The following GSS variants were observed in gnomAD, a reference collection of about 807,000 sequenced individuals.
GSS encodes GSH synthetase.
A neutral mutation model predicts 60.4 loss-of-function variants in GSS; 34 were observed. The ratio of observed to expected loss-of-function variants is 0.56; its 90% CI spans 0.43 to 0.75. GSS has a LOEUF of 0.75. Ranked by LOEUF, GSS falls within the 30% of genes least tolerant of loss-of-function variation. The probability of loss-of-function intolerance (pLI) is 0.00; values close to 1 mark genes in which losing one functional copy is unlikely to be tolerated. For missense variants in GSS, 499 were observed against 595.1 expected (o/e 0.84, Z 1.68); for synonymous variants, 224 against 239.0 (o/e 0.94, Z 0.58).
intron 11 of GSS, among the ~76,000 whole-genome samples, chr20:34,930,033 C>T (rs537730018): frequency 1.3e-5 from 2 of 152,086 alleles, no homozygotes; most frequent in South Asian, 2.1e-4. Flanking sequence ...TTTGGGAGGC[C>T]GAGGCAGGCA....
At chr20:34,945,846 C>T in intron 3 of GSS, 107 bp downstream of exon 3, 1 of 1,234,894 alleles carries the variant, frequency 8.1e-7, no homozygotes, top group Non-Finnish European at 1.2e-6. Context: ...GGTACCTTTC[C>T]TCTATCCCAC....
chr20:34,951,765 C>G lies in GSS; in HGVS notation c.88G>C (p.Gly30Arg). ...RQAVDRALAE[G>R]VLLRTSQEPT... ...TCCTGTGAGGTCCTCAGCAATACTCCCTCAGCCAGGGCCCGGTCCACGGCC... is the reference window on the plus strand; with the variant it reads ...TCCTGTGAGGTCCTCAGCAATACTCGCTCAGCCAGGGCCCGGTCCACGGCC... Residue 30 changes from glycine (G) to arginine (R), a missense_variant, in exon 2 of 13, where the codon GGA (glycine) becomes CGA (arginine). Gly to Arg is a moderately radical substitution (Grantham distance 125, BLOSUM62 -2). Transcript: ENST00000651619. 6.2e-7 allele frequency: 1 copy of G among 1,613,108 alleles called. No homozygotes were observed. The highest frequency in any genetic ancestry group is 1.7e-4 in the Middle Eastern group (1 of 6,060).
In GSS at chr20:34,932,151, CA is replaced by C; in HGVS notation, c.835-19del. The C allele has an allele frequency of 6.2e-7, 1 of 1,602,008 alleles. No individual in the cohort carries two copies. The highest frequency in any genetic ancestry group is 1.1e-5 in the South Asian group (1 of 90,838). On this transcript the variant is annotated intron_variant, in intron 9 of 12. Transcript: ENST00000651619. ...TCCCAATTCTGCAGAGGGAAGAAGACAAAAGGAATTCGACTTTATTTTACTT... is the reference window on the plus strand; with the variant it reads ...TCCCAATTCTGCAGAGGGAAGAAGACAAAGGAATTCGACTTTATTTTACTT...
Position 34,942,562 on chromosome 20 carries a change from G to A in GSS, c.417C>T (p.Ala139=). 6.2e-7 allele frequency: 1 copy of A among 1,613,912 alleles called. No individual in the cohort carries two copies. Among genetic ancestry groups the A allele is most frequent in the Non-Finnish European group, 8.5e-7 (1 of 1,179,822 alleles). ...TGGTGTTGATTTCGATCTGTTTCAGGGCTGGGGAGCCATCTGCGCTGCGCT... is the reference window on the plus strand; with the variant it reads ...TGGTGTTGATTTCGATCTGTTTCAGAGCTGGGGAGCCATCTGCGCTGCGCT... ...MFQRSADGSP[A]LKQIEINTIS... is the part of the protein sequence containing the mutation. Residue 139 remains alanine (A), a synonymous_variant, in exon 5 of 13, where the codon GCC becomes GCT. Transcript: ENST00000651619.
At chr20:34,948,798 A>T (rs537299379) in intron 2 of GSS, among the ~76,000 whole-genome samples, 1 of 152,106 alleles carries the variant, frequency 6.6e-6, no homozygotes, top group Admixed American at 6.5e-5. Flanking sequence ...AAAAAAAAGA[A>T]ACATTTTTCT....
At chr20:34,942,709 A>G in intron 4 of GSS, 82 bp from the exon 5 acceptor site, 1 of 1,344,838 alleles carries the variant, frequency 7.4e-7, no homozygotes, top group Non-Finnish European at 1.1e-6. Context: ...AGGTACCATG[A>G]ACTCTACACA....
Position 34,946,064 on chromosome 20 carries a change from G to A in GSS, c.164C>T (p.Ser55Leu), listed in dbSNP as rs768821205. 6.2e-7 allele frequency: 1 copy of A among 1,613,662 alleles called. No homozygotes were observed. Among genetic ancestry groups the A allele is most frequent in the Non-Finnish European group, 8.5e-7 (1 of 1,179,600 alleles). The change falls in exon 3 of 13, where the codon TCA becomes TTA. Residue 55 changes from serine to leucine, a missense_variant. Coordinates refer to ENST00000651619, the MANE Select transcript of GSS (RefSeq NM_000178.4). The part of the protein sequence containing the change: ...VSYAPFTLFP[S>L]LVPSALLEQA... ...CTCCAGCAGGGCACTGGGGACCAGT[G>A]AGGGGAAGAGCGTGAATGGGGCATA...
At chr20:34,940,255 T>C (rs1022359048) in intron 6 of GSS, among the ~76,000 whole-genome samples, 2 of 152,196 alleles carry the variant, frequency 1.3e-5, no homozygotes, top group Admixed American at 6.5e-5. Flanking sequence ...ACAAGTATTT[T>C]CTGTCCACGT....
At chr20:34,939,681 T>G (rs1370201517) in intron 6 of GSS, among the ~76,000 whole-genome samples, 1 of 151,490 alleles carries the variant, frequency 6.6e-6, no homozygotes, top group Non-Finnish European at 1.5e-5. Flanking sequence ...TTGTTTTTTT[T>G]TTTTTTGAGA....
At chr20:34,952,850 G>C (rs1424501802) in intron 1 of GSS, 2 of 152,220 alleles carry the variant, frequency 1.3e-5, no homozygotes, top group Non-Finnish European at 2.9e-5. Context: ...ACATGGGAAG[G>C]GGGAGGGAGC....
At chr20:34,953,203 C>T (rs890988068) in intron 1 of GSS, among the ~76,000 whole-genome samples, 1 of 152,156 alleles carries the variant, frequency 6.6e-6, no homozygotes, top group African/African-American at 2.4e-5. Context: ...TGCCCTGTTG[C>T]CATTTAACAG....
intron 3 of GSS, among the ~76,000 whole-genome samples, chr20:34,945,550 A>G (rs1207103757): frequency 1.3e-5 from 2 of 152,142 alleles, no homozygotes; most frequent in African/African-American, 4.8e-5. Context: ...GAGAAGTAGA[A>G]AATCTGACTT....
At chr20:34,951,610 G>T in intron 2 of GSS, 114 bp downstream of exon 2, 1 of 1,209,908 alleles carries the variant, frequency 8.3e-7, no homozygotes, top group Non-Finnish European at 1.2e-6. Flanking sequence ...TTTAGTTACT[G>T]GAAAAAATAA....
At chr20:34,948,982 C>A (rs891113684) in intron 2 of GSS, among the ~76,000 whole-genome samples, 2 of 151,824 alleles carry the variant, frequency 1.3e-5, no homozygotes, top group Non-Finnish European at 2.9e-5. Context: ...GCCAGAGTTG[C>A]CAGATGATAT....
intron 3 of GSS, among the ~76,000 whole-genome samples, chr20:34,944,769 T>C (rs2081507538): frequency 6.6e-6 from 1 of 152,192 alleles, no homozygotes; most frequent in Admixed American, 6.5e-5. Context: ...TTTTAATTAA[T>C]TTTGTGCATG....
Position 34,931,318 on chromosome 20 carries a change from A to C in GSS, c.1111+18T>G. ...AGTCCCTCTCATTGAGGAGCCCTGC[A>C]AAGGGAGATCCACCTACCTCCACCC... On this transcript the variant is annotated intron_variant, in intron 11 of 12. Transcript: ENST00000651619. 6.3e-7 allele frequency: 1 copy of C among 1,597,576 alleles called. No homozygotes were observed. The highest frequency in any genetic ancestry group is 1.1e-5 in the South Asian group (1 of 90,762).
intron 1 of GSS, chr20:34,952,129 C>T (rs181458021): frequency 2.1e-6 from 1 of 482,484 alleles, no homozygotes; most frequent in East Asian, 4.1e-5. Context: ...GAAGCAGAGG[C>T]TTGGAGAGGT....
intron 6 of GSS, among the ~76,000 whole-genome samples, chr20:34,938,430 G>A (rs2081457706): frequency 1.3e-5 from 2 of 152,212 alleles, no homozygotes; most frequent in South Asian, 4.1e-4. Context: ...CAGATGTGAT[G>A]TTAAGCTGAG....
intron 1 of GSS, chr20:34,954,512 C>CGG: frequency 6.5e-6 from 1 of 152,698 alleles, no homozygotes; most frequent in Non-Finnish European, 1.5e-5. Flanking sequence ...CGAGATCGTG[C>CGG]CATTGCACTC....
Sources: allele counts gnomAD v4.1 joint callset (sites outside exome capture counted in the v4.1 genomes callset), GRCh38; gene constraint gnomAD v4.1.1; transcripts MANE v1.5; gene names NCBI Gene and HGNC (gene_info 2026-07-23, HGNC 2026-07-21).